FLT1: variants seen among roughly 807,000 people sequenced by gnomAD.
FLT1 encodes the protein vascular endothelial growth factor receptor 1.
A neutral mutation model predicts 156.3 loss-of-function variants in FLT1; 49 were observed. That is an observed-to-expected ratio of 0.31 (90% CI 0.25 to 0.40). The LOEUF (loss-of-function observed/expected upper bound fraction) is 0.40. Among genes scored for constraint, FLT1 ranks in the 10% least tolerant of loss-of-function variants. The pLI, the probability that FLT1 is intolerant of heterozygous loss-of-function variation, is 1.00. For missense variants in FLT1, 1,322 were observed against 1,637.2 expected (o/e 0.81, Z 3.32); for synonymous variants, 594 against 583.8 (o/e 1.02, Z -0.25).
At chr13:28,344,782 G>A (rs1247627745) in intron 16 of FLT1, among the ~76,000 whole-genome samples, 2 of 148,920 alleles carry the variant, frequency 1.3e-5, no homozygotes, top group East Asian at 1.9e-4. Context: ...AGTCAAAGGT[G>A]GGGCCTTTAC....
At chr13:28,362,793 ACAT>A (rs1299232855) in intron 14 of FLT1, among the ~76,000 whole-genome samples, 1 of 152,194 alleles carries the variant, frequency 6.6e-6, no homozygotes, top group Non-Finnish European at 1.5e-5. Flanking sequence ...TCATGAGCTA[ACAT>A]CATCTGGCAC....
intron 16 of FLT1, 53 bp downstream of exon 16, chr13:28,345,392 G>A (rs1156322655): frequency 3.6e-6 from 4 of 1,104,740 alleles, no homozygotes; most frequent in Non-Finnish European, 5.4e-6. Flanking sequence ...CATCAGATCG[G>A]GCTTTTTAGA....
rs753981350 is a variant in FLT1 at position 28,439,462 on chromosome 13, C to T, written c.389-1117G>A. 6.6e-6 allele frequency among the ~76,000 whole-genome samples: 1 copy of T among 152,154 alleles called. No individual in the cohort carries two copies. Among genetic ancestry groups the T allele is most frequent in the African/African-American group, 2.4e-5 (1 of 41,448 alleles). ...GAGAGAAACAAAAGCAGTAAGCAGG[C>T]AATGGTTGCCCAGACTAGATGGTGG... On this transcript the variant is annotated intron_variant, in intron 3 of 29. Coordinates refer to ENST00000282397, the MANE Select transcript of FLT1 (RefSeq NM_002019.4). This position sits in a 1 kb window ranked among gnomAD's most constrained non-coding sequence, Gnocchi z 4.1.
chr13:28,405,019 C>CAAAAAA (rs762428024), intron 11 of FLT1, among the ~76,000 whole-genome samples: 1 of 94,674 alleles, frequency 1.1e-5, no homozygotes, highest in Non-Finnish European at 2.1e-5. Context: ...GACTCCATCT[C>CAAAAAA]AAAAAAAAAA....
intron 3 of FLT1, among the ~76,000 whole-genome samples, chr13:28,461,709 CT>C (rs201714487): frequency 6.8e-6 from 1 of 146,146 alleles, no homozygotes; most frequent in African/African-American, 2.8e-5. Context: ...CAGGTAGAGC[CT>C]TTTTTTCCCC....
At position 28,321,553 on chromosome 13, in the gene FLT1, A is replaced by T; in HGVS notation, c.3084T>A (p.Ile1028=). ...CIHRDLAARN[I]LLSENNVVKI... ...TCACCACGTTGTTCTCAGATAAAAGAATGTTTCTCGCTGCCAGGTCCCGAT... is the reference window on the plus strand; with the variant it reads ...TCACCACGTTGTTCTCAGATAAAAGTATGTTTCTCGCTGCCAGGTCCCGAT... The change falls in exon 23 of 30, where the codon ATT becomes ATA. Residue 1028 remains isoleucine (I), a synonymous_variant. Transcript: ENST00000282397. The T allele has an allele frequency of 6.2e-7, 1 of 1,614,218 alleles. No homozygotes were observed. The highest frequency in any genetic ancestry group is 8.5e-7 in the Non-Finnish European group (1 of 1,180,008).
At chr13:28,468,494 T>G (rs537986374) in intron 1 of FLT1, among the ~76,000 whole-genome samples, 160 of 152,316 alleles carry the variant, frequency 1.1e-3, no homozygotes, top group African/African-American at 3.6e-3. Context: ...CTAGACGACC[T>G]TGAAATCTCT....
At chr13:28,304,878 T>C (rs1413215768) in intron 29 of FLT1, among the ~76,000 whole-genome samples, 1 of 152,242 alleles carries the variant, frequency 6.6e-6, no homozygotes, top group African/African-American at 2.4e-5. Context: ...TCACACTTTT[T>C]ATTGACAATA....
intron 22 of FLT1, among the ~76,000 whole-genome samples, chr13:28,321,882 C>A (rs1593678948): frequency 6.6e-6 from 1 of 152,252 alleles, no homozygotes; most frequent in Non-Finnish European, 1.5e-5. Context: ...TCCTGAGCTG[C>A]CAAGATGAGA....
chr13:28,385,480 T>C, intron 13 of FLT1: 1 of 1,009,042 alleles, frequency 9.9e-7, no homozygotes, highest in East Asian at 7.9e-5. Context: ...GATGTATTTG[T>C]GGGGGCGTGT....
At chr13:28,318,086 G>A (rs780981203) in intron 24 of FLT1, among the ~76,000 whole-genome samples, 14 of 152,104 alleles carry the variant, frequency 9.2e-5, no homozygotes, top group Non-Finnish European at 1.6e-4. Context: ...AGCCTCCCGA[G>A]CAGCTGGGAC....
At chr13:28,485,332 G>A (rs1357327128) in intron 1 of FLT1, among the ~76,000 whole-genome samples, 1 of 152,048 alleles carries the variant, frequency 6.6e-6, no homozygotes, top group Non-Finnish European at 1.5e-5. Context: ...GGGGTCAGCT[G>A]TCCTCCCTTG....
intron 1 of FLT1, among the ~76,000 whole-genome samples, chr13:28,484,194 A>G (rs920821378): frequency 1.3e-5 from 2 of 152,202 alleles, no homozygotes; most frequent in African/African-American, 4.8e-5. Flanking sequence ...ATCTGCCTTC[A>G]GGGTCAAACA....
At position 28,306,692 on chromosome 13, in the gene FLT1, G is replaced by A. The variant is rs758117530; in HGVS notation, c.3801C>T (p.Ala1267=). The change falls in exon 29 of 30, where the codon GCC becomes GCT. Residue 1267 remains alanine, a synonymous_variant. Transcript: ENST00000282397. ...RFTWTDSKPK[A]SLKIDLRVTS... is the part of the protein sequence containing the mutation. ...CCAATTCTTACTCAATCTTGAGCGA[G>A]GCCTTGGGTTTGCTGTCAGTCCAGG... The A allele has an allele frequency of 2.5e-6, 4 of 1,612,186 alleles. No individual in the cohort carries two copies. The highest frequency in any genetic ancestry group is 3.4e-6 in the Non-Finnish European group (4 of 1,178,234).
rs1354283333 is a variant in FLT1, at chr13:28,302,877, G to C, written c.*290C>G. 6.5e-6 allele frequency: 3 copies of C among 464,620 alleles called. No homozygotes were observed. The highest frequency in any genetic ancestry group is 1.2e-5 in the Non-Finnish European group (3 of 253,802). The allele number at this position is 464,620 out of a possible 1,614,324, so 28.8% of individuals were successfully genotyped here. ...ATCAAACTGGTCCTGCGTGCCCTGA[G>C]GTGGCGGGGGTTGGAGCAGGGAAGT... On this transcript the variant is annotated 3_prime_UTR_variant, in exon 30 of 30. Transcript: ENST00000282397.
intron 18 of FLT1, among the ~76,000 whole-genome samples, chr13:28,332,526 C>T (rs1871970539): frequency 6.6e-6 from 1 of 152,114 alleles, no homozygotes; most frequent in Admixed American, 6.5e-5. Context: ...ATAAACTAGG[C>T]CAGGATCATC....
At chr13:28,429,976 G>A (rs760342395) in intron 8 of FLT1, 74 bp downstream of exon 8, 7 of 976,294 alleles carry the variant, frequency 7.2e-6, no homozygotes, top group Admixed American at 1.7e-5. Flanking sequence ...TCAGGAATTC[G>A]AGTCATTAGG....
intron 1 of FLT1, among the ~76,000 whole-genome samples, chr13:28,470,017 G>T (rs1394440995): frequency 6.6e-6 from 1 of 152,158 alleles, no homozygotes; most frequent in African/African-American, 2.4e-5. Flanking sequence ...GCCTCCCAAA[G>T]TGTTGAGATT....
At chr13:28,358,486 A>T (rs1872987086) in intron 14 of FLT1, among the ~76,000 whole-genome samples, 1 of 152,234 alleles carries the variant, frequency 6.6e-6, no homozygotes. Context: ...AAGCTTAAGG[A>T]TTACTACAGA....
Sources: gnomAD v4.1 joint callset for allele counts (sites outside exome capture counted in the v4.1 genomes callset) on GRCh38, gnomAD v4.1.1 for gene constraint, Gnocchi (gnomAD v3.1) non-coding constraint, MANE v1.5 for transcripts, NCBI Gene and HGNC (gene_info 2026-07-23, HGNC 2026-07-21) for gene names.